TNRC6C: variants seen among roughly 807,000 people sequenced by gnomAD.
The protein encoded by TNRC6C is trinucleotide repeat containing adaptor 6C.
Under a neutral mutation model 153.7 loss-of-function variants are expected in TNRC6C, and 20 were observed. That is an observed-to-expected ratio of 0.13 (90% CI 0.09 to 0.19). TNRC6C has a LOEUF of 0.19. Ranked by LOEUF, TNRC6C falls within the 10% of genes least tolerant of loss-of-function variation. TNRC6C has a pLI of 1.00. For synonymous variants in TNRC6C, 811 were observed against 841.4 expected, an observed-to-expected ratio of 0.96 and a Z score of 0.63; for missense variants, 1,987 against 2,172.0, an observed-to-expected ratio of 0.91 and a Z score of 1.69.
At chr17:78,007,847 C>G (rs1179563447) in intron 1 of TNRC6C, among the ~76,000 whole-genome samples, 1 of 152,184 alleles carries the variant, frequency 6.6e-6, no homozygotes, top group Admixed American at 6.5e-5. Flanking sequence ...TAGAAATTCC[C>G]TTACTCTGCA....
intron 5 of TNRC6C, among the ~76,000 whole-genome samples, chr17:78,070,406 T>C (rs1451691379): frequency 2.6e-5 from 4 of 152,212 alleles, no homozygotes; most frequent in Non-Finnish European, 5.9e-5. Flanking sequence ...ATTTTTTTCA[T>C]ATTGTAATAA....
At chr17:77,975,008 C>CTTTGATT (rs2070977846) in intron 1 of TNRC6C, among the ~76,000 whole-genome samples, 2 of 115,654 alleles carry the variant, frequency 1.7e-5, no homozygotes, top group Admixed American at 1.6e-4. Flanking sequence ...TTCTAGTAAT[C>CTTTGATT]AAAGAAAGAA....
intron 17 of TNRC6C, among the ~76,000 whole-genome samples, chr17:78,099,984 TC>T (rs1160750438): frequency 6.6e-6 from 1 of 152,192 alleles, no homozygotes; most frequent in Non-Finnish European, 1.5e-5. Flanking sequence ...AAGACCAAAA[TC>T]CAGCAGGGCA....
chr17:77,972,142 A>G (rs1012204794), intron 1 of TNRC6C, among the ~76,000 whole-genome samples: 1 of 152,160 alleles, frequency 6.6e-6, no homozygotes, highest in African/African-American at 2.4e-5. Context: ...ATAATTGCAA[A>G]GATCAACAAA....
chr17:78,003,285 T>G (rs959323915), upstream of TNRC6C, among the ~76,000 whole-genome samples: 1 of 152,158 alleles, frequency 6.6e-6, no homozygotes, highest in African/African-American at 2.4e-5. Context: ...AACCAAGGGT[T>G]ACTACAGAGT....
At chr17:78,071,783 G>A (rs2073002367) in intron 6 of TNRC6C, among the ~76,000 whole-genome samples, 1 of 152,174 alleles carries the variant, frequency 6.6e-6, no homozygotes, top group South Asian at 2.1e-4. Flanking sequence ...AGTGTATAGA[G>A]TATATTGACA....
At chr17:78,025,204 G>GC (rs1174424578) in intron 1 of TNRC6C, among the ~76,000 whole-genome samples, 5 of 152,074 alleles carry the variant, frequency 3.3e-5, no homozygotes, top group Non-Finnish European at 5.9e-5. Flanking sequence ...CAGTTTCCCT[G>GC]CCCTAAAAAT....
chr17:78,095,967 C>T (rs1392727029), intron 16 of TNRC6C, among the ~76,000 whole-genome samples: 1 of 152,214 alleles, frequency 6.6e-6, no homozygotes, highest in East Asian at 1.9e-4. Context: ...AGGAGAATCA[C>T]TTGACCTTGG....
chr17:77,985,347 C>T (rs1452981858), intron 1 of TNRC6C, among the ~76,000 whole-genome samples: 2 of 151,828 alleles, frequency 1.3e-5, no homozygotes, highest in Non-Finnish European at 2.9e-5. Context: ...GTAATCCCAG[C>T]ACTTTGGAAG....
At chr17:78,011,810 A>G (rs190232977) in intron 1 of TNRC6C, among the ~76,000 whole-genome samples, 25 of 152,328 alleles carry the variant, frequency 1.6e-4, no homozygotes, top group African/African-American at 5.1e-4. Context: ...ATCTTCACCA[A>G]TGTGTGGTAT....
rs201184976 is a variant in TNRC6C, at chr17:78,102,553, T to C, written c.4572+9T>C. The C allele has an allele frequency of 2.5e-6, 4 of 1,594,842 alleles. No homozygotes were observed. The highest frequency in any genetic ancestry group is 1.3e-5 in the African/African-American group (1 of 74,560). ...GAAACCTCACTCCCCAGGTGCAATA[T>C]GGTGCCCCTGCATCACTGAGCATGA... On this transcript the variant is annotated intron_variant, in intron 18 of 19. Coordinates refer to ENST00000301624, the Ensembl canonical transcript of TNRC6C.
chr17:77,970,404 C>A (rs7210431), intron 1 of TNRC6C, among the ~76,000 whole-genome samples: 6,596 of 152,168 alleles, frequency 0.043, 461 homozygotes, highest in African/African-American at 0.15. Flanking sequence ...CACTATCATG[C>A]CTGGCTAATT....
At chr17:77,975,362 T>A (rs1358617917) in intron 1 of TNRC6C, among the ~76,000 whole-genome samples, 1 of 152,152 alleles carries the variant, frequency 6.6e-6, no homozygotes, top group East Asian at 1.9e-4. Flanking sequence ...GTCAAGATAA[T>A]GAGCATATCC....
chr17:78,057,950 C>G (rs766406447), intron 3 of TNRC6C, among the ~76,000 whole-genome samples: 42 of 152,190 alleles, frequency 2.8e-4, no homozygotes, highest in Non-Finnish European at 5.3e-4. Flanking sequence ...TTAGGAAATG[C>G]AGTATAGCTT....
At chr17:78,038,678 CAA>C (rs751760738) in intron 2 of TNRC6C, among the ~76,000 whole-genome samples, 3,387 of 61,140 alleles carry the variant, frequency 0.055, 66 homozygotes, top group African/African-American at 0.12. Flanking sequence ...GACTCCGTGT[CAA>C]AAAAAAAAAA....
intron 1 of TNRC6C, among the ~76,000 whole-genome samples, chr17:77,969,849 C>T (rs1258325292): frequency 2.6e-5 from 4 of 151,930 alleles, no homozygotes; most frequent in African/African-American, 9.7e-5. Flanking sequence ...ATTAAGCCCA[C>T]TTAAAGGGAC....
intron 16 of TNRC6C, among the ~76,000 whole-genome samples, chr17:78,096,075 C>A (rs145947853): frequency 6.6e-6 from 1 of 152,082 alleles, no homozygotes; most frequent in Non-Finnish European, 1.5e-5. Context: ...CCTCCCAAAG[C>A]GCTGGGATTA....
chr17:78,050,852 G>C (rs1431612031), exon 3 of TNRC6C: 1 of 1,613,986 alleles, frequency 6.2e-7, no homozygotes, highest in Admixed American at 1.7e-5. Flanking sequence ...GCAGGAGGGG[G>C]AGATTGGGCA....
At chr17:78,102,015 C>T (rs965845325) in intron 17 of TNRC6C, among the ~76,000 whole-genome samples, 43 of 152,206 alleles carry the variant, frequency 2.8e-4, no homozygotes, top group Admixed American at 2.0e-3. Flanking sequence ...GATGGGGACA[C>T]AGCCAAACCG....
Sources: allele counts gnomAD v4.1 joint callset (sites outside exome capture counted in the v4.1 genomes callset), GRCh38; gene constraint gnomAD v4.1.1; transcripts MANE v1.5; gene names NCBI Gene and HGNC (gene_info 2026-07-23, HGNC 2026-07-21).